Variants in GDAP1L1 observed in about 807,000 individuals in gnomAD.
The protein encoded by GDAP1L1 is ganglioside induced differentiation associated protein 1 like 1, also known as ganglioside-induced differentiation-associated protein 1-like 1.
Under a neutral mutation model 37.1 loss-of-function variants are expected in GDAP1L1, and 21 were observed. The ratio of observed to expected loss-of-function variants is 0.57; its 90% CI spans 0.40 to 0.81. GDAP1L1 has a LOEUF of 0.81. Ranked by LOEUF, GDAP1L1 falls within the 40% of genes least tolerant of loss-of-function variation. The pLI is 0.00. For missense variants in GDAP1L1, 362 were observed against 491.6 expected (o/e 0.74, Z 2.49); for synonymous variants, 193 against 209.1 (o/e 0.92, Z 0.67).
chr20:44,271,368 C>G lies in GDAP1L1; in HGVS notation c.760+6809C>G, dbSNP rs540867506. The stretch of plus-strand genomic sequence containing the variant: ...GGAGTGGCCAGTGAAGTAGGAAGAC[C>G]CACATGTTAGGAGGAACCGTGGGAG... On this transcript the variant is annotated intron_variant, in intron 5 of 5. Transcript: ENST00000342560. 1.1e-4 allele frequency among the ~76,000 whole-genome samples: 16 copies of G among 152,224 alleles called. No homozygotes were observed. The South Asian group carries it at 3.3e-3, about 32-fold the overall frequency.
chr20:44,257,164 G>T lies in GDAP1L1; in HGVS notation c.192G>T (p.Val64=). ...QSFSSQKVRL[V]IAEKGLVCEE... ...CCTGGCGCCTGCAGGTGCGGCTGGT[G>T]ATCGCCGAGAAGGGCCTGGTGTGCG... The change falls in exon 2 of 6, where the codon GTG becomes GTT. Residue 64 remains valine (V), a synonymous_variant. Coordinates refer to ENST00000342560, the MANE Select transcript of GDAP1L1 (RefSeq NM_024034.6). 2 of 1,592,198 alleles carry T rather than the reference G, an allele frequency of 1.3e-6. No homozygotes were observed. The highest frequency in any genetic ancestry group is 1.7e-6 in the Non-Finnish European group (2 of 1,171,376).
At chr20:44,276,458 A>AAG (rs147103301) in intron 5 of GDAP1L1, among the ~76,000 whole-genome samples, 8 of 150,118 alleles carry the variant, frequency 5.3e-5, no homozygotes, top group African/African-American at 2.0e-4. Context: ...GAAAGAAAGA[A>AAG]AGAAAGAAAA....
At chr20:44,272,162 G>A (rs2062524253) in intron 5 of GDAP1L1, among the ~76,000 whole-genome samples, 1 of 152,192 alleles carries the variant, frequency 6.6e-6, no homozygotes, top group Non-Finnish European at 1.5e-5. Context: ...AGAACAACAT[G>A]GAGAAGGGGG....
rs1262109578 is a variant in GDAP1L1 at position 44,257,211 on chromosome 20, C to T, written c.239C>T (p.Pro80Leu). Residue 80 changes from proline to leucine, a missense_variant, in exon 2 of 6, where the codon CCA becomes CTA. By Grantham distance (98) the Pro-to-Leu change is moderately conservative (BLOSUM62 -3). Around this residue, in one of 2 missense-constraint regions of GDAP1L1, gnomAD observed 277 missense variants for 337.1 expected, o/e 0.82. Transcript: ENST00000342560. ...LVCEERDVSL[P>L]QSEHKEPWFM... is the part of the protein sequence containing the mutation. The stretch of plus-strand genomic sequence containing the variant: ...TGCGAGGAGCGGGACGTGAGCCTGC[C>T]ACAGAGCGAGCACAAGGAGCCCTGG... 7 of 1,611,682 alleles carry T rather than the reference C, an allele frequency of 4.3e-6. No homozygotes were observed. The South Asian group carries it at 7.7e-5, about 18-fold the overall frequency.
rs766181450 is a variant in GDAP1L1, at chr20:44,257,144, C to T, written c.181-9C>T. 6.4e-5 allele frequency: 100 copies of T among 1,574,574 alleles called. No homozygotes were observed. Among genetic ancestry groups the T allele is most frequent in the Non-Finnish European group, 8.1e-5 (94 of 1,162,894 alleles). On this transcript the variant is annotated splice_polypyrimidine_tract_variant and intron_variant, in intron 1 of 5. Coordinates refer to ENST00000342560, the MANE Select transcript of GDAP1L1 (RefSeq NM_024034.6). ...CCCGCCTTCCCCGCTCTGACCCTGG[C>T]GCCTGCAGGTGCGGCTGGTGATCGC...
intron 2 of GDAP1L1, chr20:44,258,146 C>T (rs1361563467): frequency 1.5e-5 from 11 of 717,304 alleles, no homozygotes; most frequent in Non-Finnish European, 2.6e-5. Flanking sequence ...GCATTGAGCA[C>T]CCAGGTTGCA....
chr20:44,254,771 T>C (rs1317675164), intron 1 of GDAP1L1, among the ~76,000 whole-genome samples: 1 of 152,170 alleles, frequency 6.6e-6, no homozygotes, highest in Admixed American at 6.5e-5. Context: ...TGAATGAATG[T>C]TGGGTGTTTC....
chr20:44,249,693 C>G (rs910176652), intron 1 of GDAP1L1, among the ~76,000 whole-genome samples: 1 of 152,334 alleles, frequency 6.6e-6, no homozygotes, highest in East Asian at 1.9e-4. Flanking sequence ...TCTGCTGCAG[C>G]CCCACTTTTG....
intron 1 of GDAP1L1, among the ~76,000 whole-genome samples, chr20:44,253,121 C>T (rs571733212): frequency 3.3e-5 from 5 of 152,290 alleles, no homozygotes; most frequent in South Asian, 4.1e-4. Context: ...CATGGTACCC[C>T]GATTCCCCTT....
chr20:44,279,000 C>T lies in GDAP1L1; in HGVS notation c.804C>T (p.Leu268=), dbSNP rs139917140. ...ELWLCGCAFT[L]ADVLLGATLH... is the part of the protein sequence containing the mutation. ...GGCTCTGTGGCTGTGCCTTCACCCT[C>T]GCTGATGTCCTCCTGGGAGCCACCC... The change falls in exon 6 of 6, where the codon CTC becomes CTT. Residue 268 remains leucine, a synonymous_variant. Coordinates refer to ENST00000342560, the MANE Select transcript of GDAP1L1 (RefSeq NM_024034.6). 4.5e-5 allele frequency: 73 copies of T among 1,613,912 alleles called. No individual in the cohort carries two copies. In the African/African-American group the frequency reaches 6.8e-4, roughly 15 times the overall value.
At chr20:44,270,487 T>G (rs759654630) in intron 5 of GDAP1L1, among the ~76,000 whole-genome samples, 3 of 152,174 alleles carry the variant, frequency 2.0e-5, no homozygotes, top group Admixed American at 6.5e-5. Context: ...AATTTTAAAA[T>G]CATTTATTAT....
At chr20:44,263,447 C>A in intron 4 of GDAP1L1, 120 bp downstream of exon 4, 1 of 767,954 alleles carries the variant, frequency 1.3e-6, no homozygotes, top group Non-Finnish European at 2.2e-6. Flanking sequence ...CCCTGGCTTG[C>A]TTTTCCAATC....
At chr20:44,275,274 A>G (rs912931317) in intron 5 of GDAP1L1, among the ~76,000 whole-genome samples, 9 of 152,174 alleles carry the variant, frequency 5.9e-5, no homozygotes, top group African/African-American at 2.2e-4. Context: ...TTTCCCTGTG[A>G]CTATGAGCCT....
At chr20:44,263,859 T>C (rs541714520) in intron 4 of GDAP1L1, among the ~76,000 whole-genome samples, 13 of 151,278 alleles carry the variant, frequency 8.6e-5, no homozygotes, top group Non-Finnish European at 1.8e-4. Context: ...ATAATAATTA[T>C]AATAAATATA....
At chr20:44,256,721 C>T (rs2073554773) in intron 1 of GDAP1L1, among the ~76,000 whole-genome samples, 1 of 152,018 alleles carries the variant, frequency 6.6e-6, no homozygotes, top group South Asian at 2.1e-4. Context: ...TCCTAGGGGC[C>T]AGGCTGAGTG....
At chr20:44,251,038 C>T (rs1422427734) in intron 1 of GDAP1L1, among the ~76,000 whole-genome samples, 2 of 152,200 alleles carry the variant, frequency 1.3e-5, no homozygotes, top group Admixed American at 6.5e-5. Context: ...TCTGTCCTCA[C>T]AACTGCCCCT....
rs1173734848 is a variant in GDAP1L1 at position 44,247,382 on chromosome 20, C to T, written c.48C>T (p.Pro16=). 12 of 1,613,296 alleles carry T rather than the reference C, an allele frequency of 7.4e-6. No individual in the cohort carries two copies. The highest frequency in any genetic ancestry group is 1.7e-5 in the Admixed American group (1 of 59,998). ...CCCCCACCAACTGCAGCTGGTGGCC[C>T]ATCTCCGCGCTGGAGAGCGATGCGG... The part of the protein sequence containing the change: ...NLTPTNCSWW[P]ISALESDAAK... The change falls in exon 1 of 6, where the codon CCC becomes CCT. Residue 16 remains proline (P), a synonymous_variant. Transcript: ENST00000342560.
Position 44,279,027 on chromosome 20 carries a change from G to A in GDAP1L1, c.831G>A (p.Leu277=), listed in dbSNP as rs41282022. The A allele has an allele frequency of 2.1e-3, 3,360 of 1,614,102 alleles. 6 individuals carry two copies. Among genetic ancestry groups the A allele is most frequent in the Non-Finnish European group, 2.5e-3 (2,983 of 1,179,968 alleles). Residue 277 remains leucine (L), a synonymous_variant, in exon 6 of 6, where the codon CTG becomes CTA. Coordinates refer to ENST00000342560, the MANE Select transcript of GDAP1L1 (RefSeq NM_024034.6). Reference sequence around the variant, plus strand: ...CTGATGTCCTCCTGGGAGCCACCCTGCACCGCCTCAAGTTCCTGGGACTGT... The same window carrying A: ...CTGATGTCCTCCTGGGAGCCACCCTACACCGCCTCAAGTTCCTGGGACTGT... ...TLADVLLGAT[L]HRLKFLGLSK... is the part of the protein sequence containing the mutation.
rs752312639 is a variant in GDAP1L1, at chr20:44,257,338, C to A, written c.366C>A (p.Phe122Leu). Residue 122 changes from phenylalanine (F) to leucine (L), a missense_variant, in exon 2 of 6, where the codon TTC (phenylalanine) becomes TTA (leucine). Coordinates refer to ENST00000342560, the MANE Select transcript of GDAP1L1 (RefSeq NM_024034.6). ...TCATTGACTATGTGGAGCGCACCTT[C>A]ACAGGAGGTACGGCTGCCTCCCCAC... ...DQIIDYVERT[F>L]TGEHVVALMP... 2 of 1,613,154 alleles carry A rather than the reference C, an allele frequency of 1.2e-6. No individual in the cohort carries two copies. Among genetic ancestry groups the A allele is most frequent in the Non-Finnish European group, 8.5e-7 (1 of 1,179,498 alleles).
Sources: allele counts gnomAD v4.1 joint callset (sites outside exome capture counted in the v4.1 genomes callset), GRCh38; gene constraint gnomAD v4.1.1; regional missense constraint gnomAD v4.1.1; transcripts MANE v1.5; gene names NCBI Gene and HGNC (gene_info 2026-07-23, HGNC 2026-07-21).